XPR1: variants seen among roughly 807,000 people sequenced by gnomAD.
The protein encoded by XPR1 is xenotropic and polytropic retrovirus receptor 1, also known as solute carrier family 53 member 1.
A neutral mutation model predicts 87.5 loss-of-function variants in XPR1; 28 were observed. That is an observed-to-expected ratio of 0.32 (90% CI 0.24 to 0.44). The LOEUF is 0.44. Among genes scored for constraint, XPR1 ranks in the 20% least tolerant of loss-of-function variants. The pLI, the probability that XPR1 is intolerant of heterozygous loss-of-function variation, is 1.00. For synonymous variants in XPR1, 300 were observed against 306.1 expected, an observed-to-expected ratio of 0.98 and a Z score of 0.21; for missense variants, 559 against 862.3, an observed-to-expected ratio of 0.65 and a Z score of 4.41.
intron 1 of XPR1, among the ~76,000 whole-genome samples, chr1:180,672,791 A>G (rs1238744785): frequency 1.3e-5 from 2 of 151,896 alleles, no homozygotes; most frequent in East Asian, 2.0e-4. Context: ...TTAAAATAAT[A>G]TATTCAAATT....
intron 4 of XPR1, among the ~76,000 whole-genome samples, chr1:180,804,940 A>G (rs917018550): frequency 2.0e-5 from 3 of 152,224 alleles, no homozygotes; most frequent in African/African-American, 7.2e-5. Context: ...TGTGTGTTAC[A>G]TGGAAAAATC....
intron 1 of XPR1, among the ~76,000 whole-genome samples, chr1:180,633,675 G>A (rs901564794): frequency 2.0e-5 from 3 of 152,134 alleles, no homozygotes; most frequent in Non-Finnish European, 4.4e-5. Context: ...GTATTTTGTG[G>A]CCATGTTTTG....
At chr1:180,777,359 A>G (rs1455033765) in intron 2 of XPR1, among the ~76,000 whole-genome samples, 2 of 152,184 alleles carry the variant, frequency 1.3e-5, no homozygotes, top group Non-Finnish European at 2.9e-5. Context: ...AAAATGTCTC[A>G]TTGGTCTCAG....
chr1:180,649,793 A>G (rs931935895), intron 1 of XPR1, among the ~76,000 whole-genome samples: 1 of 152,140 alleles, frequency 6.6e-6, no homozygotes, highest in Non-Finnish European at 1.5e-5. Context: ...CCTTTAATTA[A>G]CTGCAGGCTC....
intron 14 of XPR1, among the ~76,000 whole-genome samples, chr1:180,883,431 A>G (rs1652905870): frequency 6.6e-6 from 1 of 152,146 alleles, no homozygotes; most frequent in African/African-American, 2.4e-5. Context: ...TCAGGTGGCC[A>G]GGTGCAGTGA....
intron 1 of XPR1, among the ~76,000 whole-genome samples, chr1:180,669,148 C>T (rs1285630375): frequency 6.6e-6 from 1 of 151,400 alleles, no homozygotes; most frequent in Non-Finnish European, 1.5e-5. Context: ...AATAATCTAT[C>T]CTGGAAAATG....
intron 2 of XPR1, among the ~76,000 whole-genome samples, chr1:180,747,760 A>G (rs1405213819): frequency 6.6e-6 from 1 of 152,220 alleles, no homozygotes; most frequent in Non-Finnish European, 1.5e-5. Flanking sequence ...TAGAGGCTTT[A>G]TAGCCATAAA....
intron 2 of XPR1, among the ~76,000 whole-genome samples, chr1:180,735,176 C>T (rs1658689626): frequency 6.6e-6 from 1 of 152,102 alleles, no homozygotes; most frequent in South Asian, 2.1e-4. Context: ...ATTTAATAGT[C>T]CAAGTCTATT....
intron 1 of XPR1, among the ~76,000 whole-genome samples, chr1:180,651,494 G>A (rs1444775806): frequency 6.6e-6 from 1 of 152,134 alleles, no homozygotes; most frequent in East Asian, 1.9e-4. Flanking sequence ...CTTTAACATT[G>A]GGATGCATCT....
At chr1:180,747,679 C>G (rs1647313478) in intron 2 of XPR1, among the ~76,000 whole-genome samples, 1 of 152,188 alleles carries the variant, frequency 6.6e-6, no homozygotes, top group African/African-American at 2.4e-5. Flanking sequence ...TAATTGAACT[C>G]TACAAGGTAG....
chr1:180,632,080 G>T lies in XPR1; in HGVS notation c.-122G>T, dbSNP rs1654596926. On this transcript the variant is annotated 5_prime_UTR_variant, in exon 1 of 15. Coordinates refer to ENST00000367590, the MANE Select transcript of XPR1 (RefSeq NM_004736.4). The stretch of plus-strand genomic sequence containing the variant: ...CTCTGAAGAGACCTCGGCGGCGGCG[G>T]AGGAGGAGAGAAGCGCAGCGCCGCG... 8.3e-6 allele frequency: 10 copies of T among 1,198,802 alleles called. No individual in the cohort carries two copies. The highest frequency in any genetic ancestry group is 6.0e-5 in the Admixed American group (3 of 50,384). 74.3% of individuals were successfully genotyped at this position (1,198,802 alleles called of 1,614,324 possible).
intron 6 of XPR1, among the ~76,000 whole-genome samples, chr1:180,808,808 ACT>A (rs1650095575): frequency 6.6e-6 from 1 of 152,144 alleles, no homozygotes. Flanking sequence ...AGGAGTAGGA[ACT>A]CTCTTTTCTA....
chr1:180,713,856 G>T (rs754759242), intron 2 of XPR1, among the ~76,000 whole-genome samples: 11 of 151,930 alleles, frequency 7.2e-5, no homozygotes, highest in Non-Finnish European at 1.5e-4. Context: ...TCTTGTTTTG[G>T]TATCAGGGTA....
At chr1:180,639,677 C>T (rs934150253) in intron 1 of XPR1, among the ~76,000 whole-genome samples, 4 of 152,018 alleles carry the variant, frequency 2.6e-5, no homozygotes, top group Non-Finnish European at 4.4e-5. Flanking sequence ...GCTTTGTGGG[C>T]TTTTTTTATA....
intron 7 of XPR1, among the ~76,000 whole-genome samples, chr1:180,824,308 C>T (rs777572330): frequency 1.3e-5 from 2 of 152,134 alleles, no homozygotes; most frequent in East Asian, 1.9e-4. Flanking sequence ...TTTGGCCAGG[C>T]GGGGTGGTTC....
At chr1:180,879,746 A>C (rs1652785934) in intron 13 of XPR1, among the ~76,000 whole-genome samples, 1 of 152,242 alleles carries the variant, frequency 6.6e-6, no homozygotes, top group Non-Finnish European at 1.5e-5. Flanking sequence ...ACTAGAAATT[A>C]CACCCCATAA....
chr1:180,723,020 G>A (rs1285013750), intron 2 of XPR1, among the ~76,000 whole-genome samples: 1 of 152,068 alleles, frequency 6.6e-6, no homozygotes, highest in African/African-American at 2.4e-5. Flanking sequence ...CAGAGATTTG[G>A]GGTTACCGAT....
chr1:180,749,046 A>T (rs1397915042), intron 2 of XPR1, among the ~76,000 whole-genome samples: 4 of 152,218 alleles, frequency 2.6e-5, no homozygotes, highest in East Asian at 1.9e-4. Context: ...TAAAAATTTT[A>T]AAAAATTAGC....
At chr1:180,732,347 T>C (rs570666855) in intron 2 of XPR1, among the ~76,000 whole-genome samples, 1 of 152,360 alleles carries the variant, frequency 6.6e-6, no homozygotes, top group Non-Finnish European at 1.5e-5. Flanking sequence ...ATTTTTATCT[T>C]AATATGCGTA....
Sources: allele counts gnomAD v4.1 joint callset (sites outside exome capture counted in the v4.1 genomes callset), GRCh38; gene constraint gnomAD v4.1.1; transcripts MANE v1.5; gene names NCBI Gene and HGNC (gene_info 2026-07-23, HGNC 2026-07-21).